MYO1F: variants seen among roughly 807,000 people sequenced by gnomAD.
MYO1F encodes the protein unconventional myosin-If.
A neutral mutation model predicts 146.6 loss-of-function variants in MYO1F; 60 were observed. The ratio of observed to expected loss-of-function variants is 0.41; its 90% confidence interval spans 0.33 to 0.51. The LOEUF (loss-of-function observed/expected upper bound fraction) is 0.51. MYO1F is among the 20% of genes least tolerant of loss of function. The pLI is 0.25. For synonymous variants in MYO1F, 602 were observed against 602.1 expected, an observed-to-expected ratio of 1.00 and a Z score of 0.00; for missense variants, 1,274 against 1,534.3, an observed-to-expected ratio of 0.83 and a Z score of 2.83.
Position 8,522,550 on chromosome 19 carries a change from T to C in MYO1F, c.3051-4A>G. 1.2e-6 allele frequency: 2 copies of C among 1,611,448 alleles called. No individual in the cohort carries two copies. Among genetic ancestry groups the C allele is most frequent in the Non-Finnish European group, 8.5e-7 (1 of 1,179,136 alleles). ...CACGCTGCGCTTCCTCTGCATGCTG[T>C]GGGCACAGGGGGTTTGAGTCACAGC... On this transcript the variant is annotated splice_polypyrimidine_tract_variant and splice_region_variant and intron_variant, in intron 26 of 27. Coordinates refer to ENST00000644032, the MANE Select transcript of MYO1F (RefSeq NM_012335.4).
chr19:8,577,125 A>C lies in MYO1F; in HGVS notation c.3+182T>G. On this transcript the variant is annotated intron_variant, in intron 1 of 27. Transcript: ENST00000644032. The surrounding 1 kb of genome is among the most constrained non-coding windows in gnomAD (Gnocchi z 4.3). ...GGCATCCCCACCACCTACAGATGGG[A>C]GCTTGCTCCCTGGTAAGGGATGCTG... 1 of 717,060 alleles carries C rather than the reference A, an allele frequency of 1.4e-6. No individual in the cohort carries two copies. Among genetic ancestry groups the C allele is most frequent in the South Asian group, 1.6e-5 (1 of 61,778 alleles). The allele number at this position is 717,060 out of a possible 1,614,324, so 44.4% of individuals were successfully genotyped here.
Position 8,557,897 on chromosome 19 carries a change from CCCT to C in MYO1F, c.4-2104_4-2102del, listed in dbSNP as rs140344606. Among the ~76,000 whole-genome samples the C allele has an allele frequency of 3.1e-4, 47 of 152,234 alleles. 1 individual carries two copies. The highest frequency in any genetic ancestry group is 8.9e-4 in the African/African-American group (37 of 41,548). Reference sequence around the variant, plus strand: ...CACTGCTGCCAGGCCCCTTCCTTCTCCCTCCTACCTCTCCTCTTCTCTTGTGGT... The same window carrying C: ...CACTGCTGCCAGGCCCCTTCCTTCTCCCTACCTCTCCTCTTCTCTTGTGGT... On this transcript the variant is annotated intron_variant, in intron 1 of 27. Coordinates refer to ENST00000644032, the MANE Select transcript of MYO1F (RefSeq NM_012335.4).
intron 1 of MYO1F, among the ~76,000 whole-genome samples, chr19:8,557,290 CCAAA>C (rs1263870902): frequency 2.7e-5 from 4 of 150,942 alleles, no homozygotes; most frequent in African/African-American, 5.0e-5. Flanking sequence ...AAACAAACAA[CCAAA>C]CAAACAACAA....
At chr19:8,574,529 C>CT (rs2042167511) in intron 1 of MYO1F, among the ~76,000 whole-genome samples, 3 of 139,536 alleles carry the variant, frequency 2.1e-5, no homozygotes, top group East Asian at 2.1e-4. Context: ...CTTCTTTTTT[C>CT]CCTTTCTTTC....
At chr19:8,544,271 G>A (rs1973236373) in intron 14 of MYO1F, 26 bp downstream of exon 14, 1 of 1,612,166 alleles carries the variant, frequency 6.2e-7, no homozygotes, top group African/African-American at 1.3e-5. Context: ...AGGAGGCACA[G>A]GGTAGGGTAG....
chr19:8,528,266 C>A (rs183711877), intron 21 of MYO1F, among the ~76,000 whole-genome samples: 1 of 151,642 alleles, frequency 6.6e-6, no homozygotes, highest in African/African-American at 2.4e-5. Context: ...CGGTGGCACA[C>A]GCCTGTAATC....
rs567270372 is a variant in MYO1F, at chr19:8,539,997, G to C, written c.1642C>G (p.Leu548Val). 3 of 1,612,278 alleles carry C rather than the reference G, an allele frequency of 1.9e-6. No homozygotes were observed. In the East Asian group the frequency reaches 6.7e-5, roughly 36 times the overall value. ...GGGCGCCCCTTCTTGTCTCCATCCA[G>C]CTTCTCGGGGAAGAGCATCCGGAGG... is the stretch of plus-strand genomic sequence containing the variant. ...AFLRMLFPEK[L>V]DGDKKGRPST... Residue 548 changes from leucine (L) to valine (V), a missense_variant, in exon 16 of 28, where the codon CTG becomes GTG. Physicochemically the swap from Leu to Val is conservative, Grantham distance 32 (BLOSUM62 1). This residue lies in a region of MYO1F where 900 missense variants were observed against 1,155.1 expected (regional missense o/e 0.78). Coordinates refer to ENST00000644032, the MANE Select transcript of MYO1F (RefSeq NM_012335.4).
At chr19:8,539,491 G>A (rs536687910) in intron 16 of MYO1F, among the ~76,000 whole-genome samples, 1 of 152,130 alleles carries the variant, frequency 6.6e-6, no homozygotes, top group African/African-American at 2.4e-5. Flanking sequence ...AGCTACTTAG[G>A]AGGCTGAGGC....
At position 8,536,956 on chromosome 19, in the gene MYO1F, C is replaced by T. The variant is rs369537745; in HGVS notation, c.1792G>A (p.Glu598Lys). The part of the protein sequence containing the change: ...NETKRPRDWE[E>K]NRVKHQVEYL... The stretch of plus-strand genomic sequence containing the variant: ...TTGGTTGGGGGGGATCACCTGTTCT[C>T]CTCCCAGTCTCGGGGCCTCTTGGTC... The change falls in exon 17 of 28, where the codon GAG becomes AAG. Residue 598 changes from glutamate to lysine, a missense_variant. This residue lies in a region of MYO1F where 900 missense variants were observed against 1,155.1 expected (regional missense o/e 0.78). Transcript: ENST00000644032. 6.2e-7 allele frequency: 1 copy of T among 1,612,510 alleles called. No homozygotes were observed. Among genetic ancestry groups the T allele is most frequent in the Non-Finnish European group, 8.5e-7 (1 of 1,179,210 alleles).
chr19:8,575,404 A>G (rs1201820355), intron 1 of MYO1F, among the ~76,000 whole-genome samples: 4 of 152,088 alleles, frequency 2.6e-5, no homozygotes, highest in Admixed American at 6.6e-5. Flanking sequence ...GCAGCATGCA[A>G]CCTGGATCCC....
chr19:8,568,885 C>T (rs962591555), intron 1 of MYO1F, among the ~76,000 whole-genome samples: 2 of 152,086 alleles, frequency 1.3e-5, no homozygotes, highest in Non-Finnish European at 1.5e-5. Context: ...TACGTCATTG[C>T]ACTCCAGCCT....
chr19:8,526,710 C>G, intron 23 of MYO1F, 79 bp downstream of exon 23: 1 of 1,532,612 alleles, frequency 6.5e-7, no homozygotes, highest in South Asian at 1.2e-5. Context: ...AAGCGCAGTT[C>G]GGCCGGGTCG....
chr19:8,527,267 G>A, intron 22 of MYO1F, 71 bp downstream of exon 22: 1 of 1,599,120 alleles, frequency 6.3e-7, no homozygotes, highest in East Asian at 2.2e-5. Flanking sequence ...GTAACAGACG[G>A]GGTCACTAGA....
intron 25 of MYO1F, among the ~76,000 whole-genome samples, chr19:8,524,191 C>T (rs1972173049): frequency 2.7e-5 from 4 of 145,744 alleles, no homozygotes; most frequent in South Asian, 2.2e-4. Context: ...GAGGCCGAGG[C>T]GGGTGGATCA....
At chr19:8,538,223 C>T (rs1378829299) in intron 16 of MYO1F, among the ~76,000 whole-genome samples, 1 of 151,676 alleles carries the variant, frequency 6.6e-6, no homozygotes, top group Non-Finnish European at 1.5e-5. Context: ...GCCTCAGCCT[C>T]CCAAAGTCCT....
In MYO1F at chr19:8,574,555, CTTTCTTTCTTTCTTTCTT is replaced by C. The variant is rs1371747623; in HGVS notation, c.3+2734_3+2751del. Among the ~76,000 whole-genome samples the C allele has an allele frequency of 1.2e-3, 108 of 92,004 alleles. No homozygotes were observed. In the East Asian group the frequency reaches 0.014, roughly 12 times the overall value. 60.4% of individuals were successfully genotyped at this position (92,004 alleles called of 152,430 possible). A position where few individuals can be genotyped will look rare whatever the true frequency, so the allele number is the denominator to read the frequency against. ...CCTTTCTTTCTTTCTTTCTTTCTTT[CTTTCTTTCTTTCTTTCTT>C]TCTTTCTCTCTCTCTCTCTCTCTCT... is the stretch of plus-strand genomic sequence containing the variant. On this transcript the variant is annotated intron_variant, in intron 1 of 27. Coordinates refer to ENST00000644032, the MANE Select transcript of MYO1F (RefSeq NM_012335.4).
At chr19:8,563,660 C>T (rs1033127461) in intron 1 of MYO1F, among the ~76,000 whole-genome samples, 12 of 151,826 alleles carry the variant, frequency 7.9e-5, no homozygotes, top group African/African-American at 2.9e-4. Context: ...AGGAGCCCAT[C>T]AACACGCCCA....
chr19:8,548,099 G>A lies in MYO1F; in HGVS notation c.1206C>T (p.Cys402=). The part of the protein sequence containing the change: ...IFQKNGFEQF[C]INFVNEKLQQ... ...GCAGCTTCTCATTGACGAAGTTGAT[G>A]CAAAACTGCTCGAAGCCATTTTTCT... Residue 402 remains cysteine (C), a synonymous_variant, in exon 12 of 28, where the codon TGC becomes TGT. Coordinates refer to ENST00000644032, the MANE Select transcript of MYO1F (RefSeq NM_012335.4). 1 of 1,607,288 alleles carries A rather than the reference G, an allele frequency of 6.2e-7. No individual in the cohort carries two copies. The highest frequency in any genetic ancestry group is 8.5e-7 in the Non-Finnish European group (1 of 1,176,010).
chr19:8,545,340 T>G, intron 13 of MYO1F: 1 of 369,468 alleles, frequency 2.7e-6, no homozygotes, highest in Non-Finnish European at 5.2e-6. Context: ...CCGCCCACCT[T>G]GGCCTCCCAA....
Sources: allele counts gnomAD v4.1 joint callset (sites outside exome capture counted in the v4.1 genomes callset), GRCh38; gene constraint gnomAD v4.1.1; regional missense constraint gnomAD v4.1.1; non-coding constraint Gnocchi (gnomAD v3.1); transcripts MANE v1.5; gene names NCBI Gene and HGNC (gene_info 2026-07-23, HGNC 2026-07-21).